Variants in TRAK1 observed in about 807,000 individuals in gnomAD.
TRAK1 encodes trafficking kinesin-binding protein 1.
A neutral mutation model predicts 92.1 loss-of-function variants in TRAK1; 33 were observed. The ratio of observed to expected loss-of-function variants is 0.36; its 90% confidence interval spans 0.27 to 0.48. The LOEUF is 0.48. Ranked by LOEUF, TRAK1 falls within the 20% of genes least tolerant of loss-of-function variation. TRAK1 has a pLI of 0.99. For missense variants in TRAK1, 1,123 were observed against 1,257.9 expected (o/e 0.89, Z 1.62); for synonymous variants, 521 against 517.3 (o/e 1.01, Z -0.10).
chr3:42,036,525 C>G (rs1216444293), intron 1 of TRAK1, among the ~76,000 whole-genome samples: 4 of 151,904 alleles, frequency 2.6e-5, no homozygotes, highest in African/African-American at 4.8e-5. Context: ...TCTCTGCAGC[C>G]TCTCTGCTCT....
upstream of TRAK1, among the ~76,000 whole-genome samples, chr3:42,013,210 T>A (rs1701375029): frequency 6.6e-6 from 1 of 151,860 alleles, no homozygotes; most frequent in Non-Finnish European, 1.5e-5. The surrounding 1 kb of genome is among the most constrained non-coding windows in gnomAD (Gnocchi z 5.1). Flanking sequence ...CCATCCTCCC[T>A]CCATTTAAGC....
chr3:42,219,626 G>A (rs1255357000), intron 15 of TRAK1, 30 bp downstream of exon 15: 2 of 1,593,300 alleles, frequency 1.3e-6, no homozygotes, highest in East Asian at 2.2e-5. Flanking sequence ...GGGTGGGCAG[G>A]GGTGGGGTGA....
chr3:42,127,141 C>A (rs943460033), intron 2 of TRAK1, among the ~76,000 whole-genome samples: 2 of 152,142 alleles, frequency 1.3e-5, no homozygotes, highest in Non-Finnish European at 2.9e-5. Context: ...TCTACAGTAA[C>A]CTCCTTGGTA....
intron 2 of TRAK1, 89 bp from the exon 3 acceptor site, chr3:42,176,725 C>G: frequency 8.3e-7 from 1 of 1,204,892 alleles, no homozygotes; most frequent in Non-Finnish European, 1.2e-6. Context: ...AATGTGCAGG[C>G]ACAACATTAG....
intron 1 of TRAK1, among the ~76,000 whole-genome samples, chr3:42,026,279 G>A (rs189745663): frequency 9.5e-4 from 145 of 152,288 alleles, no homozygotes; most frequent in Non-Finnish European, 1.1e-3. Flanking sequence ...AAGTCTCAGG[G>A]TGATCATATA....
chr3:42,134,804 C>G (rs564272566), intron 2 of TRAK1, among the ~76,000 whole-genome samples: 1 of 151,850 alleles, frequency 6.6e-6, no homozygotes, highest in Admixed American at 6.6e-5. Context: ...TGGTCTCGAT[C>G]TCCTGACCTC....
upstream of TRAK1, among the ~76,000 whole-genome samples, chr3:42,085,622 A>G (rs1024135449): frequency 2.6e-5 from 4 of 152,234 alleles, no homozygotes; most frequent in African/African-American, 7.2e-5. Context: ...AACTGACTCT[A>G]CCATGTTGGG....
chr3:42,058,438 A>G (rs985506995), intron 1 of TRAK1, among the ~76,000 whole-genome samples: 2 of 152,022 alleles, frequency 1.3e-5, no homozygotes, highest in Non-Finnish European at 2.9e-5. Context: ...CCCGGGTTCA[A>G]GCAATTCTCC....
intron 2 of TRAK1, among the ~76,000 whole-genome samples, chr3:42,174,566 G>T (rs1170762739): frequency 6.6e-6 from 1 of 151,316 alleles, no homozygotes; most frequent in South Asian, 2.1e-4. Flanking sequence ...TGCCTCCCGG[G>T]TTCAAGTGAT....
upstream of TRAK1, among the ~76,000 whole-genome samples, chr3:42,087,903 T>C (rs1172498606): frequency 6.6e-6 from 1 of 152,244 alleles, no homozygotes; most frequent in Non-Finnish European, 1.5e-5. Context: ...CAGTCATAAC[T>C]CTCAGTGTCC....
At chr3:42,058,582 G>A (rs905605925) in intron 1 of TRAK1, among the ~76,000 whole-genome samples, 2 of 151,992 alleles carry the variant, frequency 1.3e-5, no homozygotes, top group African/African-American at 2.4e-5. Context: ...GACCTTGGAC[G>A]ATCTGCCTGC....
At position 42,202,969 on chromosome 3, in the gene TRAK1, C is replaced by T. The variant is rs535997956; in HGVS notation, c.1744+217C>T. On this transcript the variant is annotated intron_variant, in intron 13 of 15. Coordinates refer to ENST00000327628, the MANE Select transcript of TRAK1 (RefSeq NM_001042646.3). This position sits in a 1 kb window ranked among gnomAD's most constrained non-coding sequence, Gnocchi z 6.1. ...GCAGGTGTGACAATGCACACATAGG[C>T]CATGAAACTCGCCGAGGAAAGACAA... 1 of 1,346,542 alleles carries T rather than the reference C, an allele frequency of 7.4e-7. No individual in the cohort carries two copies. The highest frequency in any genetic ancestry group is 2.7e-5 in the East Asian group (1 of 36,772). 83.4% of individuals were successfully genotyped at this position (1,346,542 alleles called of 1,614,324 possible). A position where few individuals can be genotyped will look rare whatever the true frequency, so the allele number is the denominator to read the frequency against.
chr3:42,218,640 A>C, intron 14 of TRAK1: 1 of 985,332 alleles, frequency 1.0e-6, no homozygotes, highest in Non-Finnish European at 1.2e-6. Context: ...GCATGGTCCT[A>C]ACACTTCCAT....
chr3:42,192,936 CT>C lies in TRAK1; in HGVS notation c.770-137del. ...GTGGGAAAATGGTCATTATGAGTTC[CT>C]TCCTGCACCCTCCCCACTCTACCCT... On this transcript the variant is annotated intron_variant, in intron 7 of 15. Coordinates refer to ENST00000327628, the MANE Select transcript of TRAK1 (RefSeq NM_001042646.3). 4 of 1,236,610 alleles carry C rather than the reference CT, an allele frequency of 3.2e-6. No individual in the cohort carries two copies. In the South Asian group the frequency reaches 6.1e-5, roughly 19 times the overall value. 76.6% of individuals were successfully genotyped at this position (1,236,610 alleles called of 1,614,324 possible). A position where few individuals can be genotyped will look rare whatever the true frequency, so the allele number is the denominator to read the frequency against.
intron 5 of TRAK1, among the ~76,000 whole-genome samples, chr3:42,188,530 G>A (rs970039734): frequency 1.3e-5 from 2 of 152,196 alleles, no homozygotes; most frequent in Admixed American, 1.3e-4. Flanking sequence ...AGATCCTCAT[G>A]TTGGGAGCAT....
chr3:42,037,862 G>A (rs533975095), intron 1 of TRAK1, among the ~76,000 whole-genome samples: 2 of 152,372 alleles, frequency 1.3e-5, no homozygotes, highest in East Asian at 3.9e-4. Flanking sequence ...GATGATAGCA[G>A]TATAGTGTTC....
intron 2 of TRAK1, among the ~76,000 whole-genome samples, chr3:42,133,838 A>G (rs1697533778): frequency 6.6e-6 from 1 of 152,192 alleles, no homozygotes; most frequent in South Asian, 2.1e-4. Flanking sequence ...GTTTTATCTA[A>G]ATTGAATTGG....
intron 6 of TRAK1, among the ~76,000 whole-genome samples, chr3:42,190,366 T>A (rs1273212320): frequency 1.3e-5 from 2 of 152,166 alleles, no homozygotes; most frequent in African/African-American, 4.8e-5. Flanking sequence ...TCATGTCCCG[T>A]CTGAACAAGA....
chr3:42,202,960 A>G lies in TRAK1; in HGVS notation c.1744+208A>G. The G allele has an allele frequency of 7.3e-7, 1 of 1,370,088 alleles. No individual in the cohort carries two copies. Among genetic ancestry groups the G allele is most frequent in the Admixed American group, 3.1e-5 (1 of 32,134 alleles). The allele number at this position is 1,370,088 out of a possible 1,614,324, so 84.9% of individuals were successfully genotyped here. The stretch of plus-strand genomic sequence containing the variant: ...CTCTGGCTGGCAGGTGTGACAATGC[A>G]CACATAGGCCATGAAACTCGCCGAG... On this transcript the variant is annotated intron_variant, in intron 13 of 15. Coordinates refer to ENST00000327628, the MANE Select transcript of TRAK1 (RefSeq NM_001042646.3). This position sits in a 1 kb window ranked among gnomAD's most constrained non-coding sequence, Gnocchi z 6.1.
Sources: allele counts gnomAD v4.1 joint callset (sites outside exome capture counted in the v4.1 genomes callset), GRCh38; gene constraint gnomAD v4.1.1; non-coding constraint Gnocchi (gnomAD v3.1); transcripts MANE v1.5; gene names NCBI Gene and HGNC (gene_info 2026-07-23, HGNC 2026-07-21).